The following NEGR1 variants were observed in gnomAD, a reference collection of about 807,000 sequenced individuals.
NEGR1 encodes the protein neuronal growth regulator 1.
Under a neutral mutation model 40.9 loss-of-function variants are expected in NEGR1, and 10 were observed. The ratio of observed to expected loss-of-function variants is 0.24; its 90% CI spans 0.15 to 0.42. NEGR1 has a LOEUF of 0.42. Among genes scored for constraint, NEGR1 ranks in the 10% least tolerant of loss-of-function variants. NEGR1 has a pLI of 1.00. For missense variants in NEGR1, 352 were observed against 438.9 expected (o/e 0.80, Z 1.77); for synonymous variants, 185 against 166.8 (o/e 1.11, Z -0.84).
chr1:72,132,570 T>G (rs1256422474), intron 1 of NEGR1, among the ~76,000 whole-genome samples: 2 of 152,182 alleles, frequency 1.3e-5, no homozygotes, highest in Non-Finnish European at 2.9e-5. Flanking sequence ...TGAAATGACA[T>G]TTCTTTAATA....
At chr1:72,254,805 C>T (rs1040568113) in intron 1 of NEGR1, among the ~76,000 whole-genome samples, 4 of 150,928 alleles carry the variant, frequency 2.7e-5, no homozygotes, top group African/African-American at 9.7e-5. Context: ...TTTCCATATA[C>T]TTCCAAGATA....
rs142478239 is a variant in NEGR1, at chr1:71,771,408, T to C, written c.535+4764A>G. ...CATGTGTATACCTATGTAACAAAAC[T>C]GCACGTTCTGCACACGTACCCCAGA... On this transcript the variant is annotated intron_variant, in intron 3 of 6. Transcript: ENST00000357731. 2.8e-3 allele frequency among the ~76,000 whole-genome samples: 432 copies of C among 151,986 alleles called. 2 individuals carry two copies. Among genetic ancestry groups the C allele is most frequent in the African/African-American group, 9.5e-3 (393 of 41,444 alleles).
At chr1:72,045,400 A>T (rs758348492) in intron 1 of NEGR1, among the ~76,000 whole-genome samples, 12 of 151,780 alleles carry the variant, frequency 7.9e-5, no homozygotes, top group Admixed American at 1.3e-4. Flanking sequence ...CCCCACCCAA[A>T]CTTCATCTTG....
At chr1:71,659,471 T>C (rs2152219) in intron 4 of NEGR1, among the ~76,000 whole-genome samples, 71,915 of 151,890 alleles carry the variant, frequency 0.47, 17,074 homozygotes, top group Middle Eastern at 0.54. Context: ...AAAGCAAAAA[T>C]TGACAAGTGG....
chr1:72,191,966 C>T (rs1402759535), intron 1 of NEGR1, among the ~76,000 whole-genome samples: 1 of 151,862 alleles, frequency 6.6e-6, no homozygotes, highest in Non-Finnish European at 1.5e-5. Context: ...CCGAAGATCT[C>T]TACTTATCAC....
At chr1:71,481,261 G>A (rs1410429091) in intron 6 of NEGR1, among the ~76,000 whole-genome samples, 3 of 151,668 alleles carry the variant, frequency 2.0e-5, no homozygotes, top group African/African-American at 7.3e-5. Flanking sequence ...GTGCTCAATT[G>A]GTGCTCACCT....
At chr1:72,130,233 C>T (rs1557541699) in intron 1 of NEGR1, among the ~76,000 whole-genome samples, 1 of 152,164 alleles carries the variant, frequency 6.6e-6, no homozygotes, top group Non-Finnish European at 1.5e-5. Context: ...TTTTTAACTA[C>T]AGGCTTGAAC....
chr1:72,094,923 T>C (rs1007689809), intron 1 of NEGR1, among the ~76,000 whole-genome samples: 1 of 152,146 alleles, frequency 6.6e-6, no homozygotes, highest in Non-Finnish European at 1.5e-5. Context: ...TAAAAGGTTA[T>C]ATGAGAAGGT....
chr1:72,054,628 T>G (rs1647094296), intron 1 of NEGR1, among the ~76,000 whole-genome samples: 1 of 151,264 alleles, frequency 6.6e-6, no homozygotes, highest in African/African-American at 2.4e-5. Flanking sequence ...TTCTAATCTT[T>G]GCCATCTCAG....
intron 3 of NEGR1, among the ~76,000 whole-genome samples, chr1:71,712,982 GA>G (rs761599984): frequency 6.6e-6 from 1 of 152,190 alleles, no homozygotes; most frequent in Non-Finnish European, 1.5e-5. Context: ...GTGGAACTGT[GA>G]GTCAGTTAAA....
At chr1:71,776,607 C>T (rs1322179173) in intron 2 of NEGR1, among the ~76,000 whole-genome samples, 1 of 151,956 alleles carries the variant, frequency 6.6e-6, no homozygotes, top group Non-Finnish European at 1.5e-5. Context: ...AGAATATAAT[C>T]AATCTATTTT....
chr1:72,086,486 T>C (rs1648225751), intron 1 of NEGR1, among the ~76,000 whole-genome samples: 1 of 152,246 alleles, frequency 6.6e-6, no homozygotes, highest in South Asian at 2.1e-4. Context: ...TTTTCTAGAT[T>C]ACTCCGTTGT....
intron 1 of NEGR1, among the ~76,000 whole-genome samples, chr1:72,163,926 A>G (rs1217759571): frequency 6.6e-6 from 1 of 152,108 alleles, no homozygotes; most frequent in Non-Finnish European, 1.5e-5. Context: ...GTAAAATTAC[A>G]CTTGAAATTA....
At chr1:71,684,901 T>C (rs900211468) in intron 4 of NEGR1, among the ~76,000 whole-genome samples, 1 of 152,138 alleles carries the variant, frequency 6.6e-6, no homozygotes, top group Non-Finnish European at 1.5e-5. Context: ...CTTCACAATT[T>C]AAAAAAATAT....
chr1:72,270,243 G>A (rs1557607166), intron 1 of NEGR1, among the ~76,000 whole-genome samples: 1 of 151,936 alleles, frequency 6.6e-6, no homozygotes, highest in East Asian at 1.9e-4. Flanking sequence ...TGGGACTGTG[G>A]ATTCAATCTG....
chr1:72,173,715 C>T lies in NEGR1; in HGVS notation c.176+108604G>A, dbSNP rs1377314200. Among the ~76,000 whole-genome samples, 3 of 152,086 alleles carry T rather than the reference C, an allele frequency of 2.0e-5. No individual in the cohort carries two copies. In the East Asian group the frequency reaches 5.8e-4, roughly 29 times the overall value. The stretch of plus-strand genomic sequence containing the variant: ...CATAACTTTTGGAGGCCAGGGCAGG[C>T]AGATCACCTGAGGTGAGGAGTTCGA... On this transcript the variant is annotated intron_variant, in intron 1 of 6. Coordinates refer to ENST00000357731, the MANE Select transcript of NEGR1 (RefSeq NM_173808.3).
intron 2 of NEGR1, among the ~76,000 whole-genome samples, chr1:71,918,668 T>C (rs1473747690): frequency 1.4e-5 from 2 of 144,482 alleles, no homozygotes; most frequent in African/African-American, 2.6e-5. Flanking sequence ...TAAATGAGAG[T>C]ATGGTATGCT....
At chr1:72,264,757 C>T (rs1024928749) in intron 1 of NEGR1, among the ~76,000 whole-genome samples, 1 of 150,542 alleles carries the variant, frequency 6.6e-6, no homozygotes. Flanking sequence ...TCGTACAAAA[C>T]GTTTAATAAT....
chr1:72,169,349 T>A (rs1651881684), intron 1 of NEGR1, among the ~76,000 whole-genome samples: 2 of 152,166 alleles, frequency 1.3e-5, no homozygotes, highest in Non-Finnish European at 2.9e-5. Context: ...TTCTATTAGA[T>A]ATCAACCTAC....
Sources: allele counts gnomAD v4.1 joint callset (sites outside exome capture counted in the v4.1 genomes callset), GRCh38; gene constraint gnomAD v4.1.1; transcripts MANE v1.5; gene names NCBI Gene and HGNC (gene_info 2026-07-23, HGNC 2026-07-21).